Variants in MED13L observed in about 807,000 individuals in gnomAD.
The protein encoded by MED13L is mediator of RNA polymerase II transcription subunit 13-like.
MED13L carries 7 observed loss-of-function variants against 220.9 expected under a neutral mutation model. The observed-to-expected ratio is 0.03, with a 90% confidence interval of 0.02 to 0.06. MED13L has a LOEUF of 0.06. Ranked by LOEUF, MED13L falls within the 10% of genes least tolerant of loss-of-function variation. The pLI is 1.00. For missense variants in MED13L, 1,965 were observed against 2,760.5 expected, an observed-to-expected ratio of 0.71 and a Z score of 6.46; for synonymous variants, 1,011 against 1,015.2, an observed-to-expected ratio of 1.00 and a Z score of 0.08.
intron 2 of MED13L, among the ~76,000 whole-genome samples, chr12:116,222,911 C>T (rs1276063101): frequency 6.6e-6 from 1 of 152,164 alleles, no homozygotes; most frequent in Non-Finnish European, 1.5e-5. Flanking sequence ...TTGCCTAAAT[C>T]GTACAATCTC....
chr12:116,128,177 A>G (rs1352932796), intron 2 of MED13L, among the ~76,000 whole-genome samples: 2 of 152,222 alleles, frequency 1.3e-5, no homozygotes, highest in East Asian at 3.8e-4. Flanking sequence ...TGTCAGCACG[A>G]TATGTACAAG....
Position 116,180,046 on chromosome 12 carries a change from T to C in MED13L, c.310+57422A>G, listed in dbSNP as rs141676946. 2.0e-5 allele frequency among the ~76,000 whole-genome samples: 3 copies of C among 152,314 alleles called. No individual in the cohort carries two copies. In the East Asian group the frequency reaches 5.8e-4, roughly 29 times the overall value. ...ATCCAAGTGACTTACTTTGTGGTGTTTCGCATTTCAAAATTGTTGCAATTA... is the reference window on the plus strand; with the variant it reads ...ATCCAAGTGACTTACTTTGTGGTGTCTCGCATTTCAAAATTGTTGCAATTA... On this transcript the variant is annotated intron_variant, in intron 2 of 30. Coordinates refer to ENST00000281928, the MANE Select transcript of MED13L (RefSeq NM_015335.5).
At chr12:116,264,524 C>CA (rs1335738803) in intron 1 of MED13L, among the ~76,000 whole-genome samples, 1 of 152,190 alleles carries the variant, frequency 6.6e-6, no homozygotes, top group Non-Finnish European at 1.5e-5. Context: ...TCCTTGAACT[C>CA]AAAAAACACT....
chr12:116,156,085 A>C (rs546796894), intron 2 of MED13L, among the ~76,000 whole-genome samples: 1 of 152,210 alleles, frequency 6.6e-6, no homozygotes, highest in South Asian at 2.1e-4. Flanking sequence ...CTCTCATTTT[A>C]CTTCATGCTA....
intron 11 of MED13L, 61 bp from the exon 12 acceptor site, chr12:116,006,472 G>A (rs1879053304): frequency 1.6e-6 from 2 of 1,288,556 alleles, no homozygotes; most frequent in Non-Finnish European, 2.3e-6. Flanking sequence ...TGAAATATGA[G>A]GGAGAACACA....
At position 115,960,948 on chromosome 12, in the gene MED13L, T is replaced by A. The variant is rs1174569506; in HGVS notation, c.*318A>T. 1.0e-5 allele frequency: 4 copies of A among 397,020 alleles called. No individual in the cohort carries two copies. The Admixed American group carries it at 1.4e-4, about 14-fold the overall frequency. 24.6% of individuals were successfully genotyped at this position (397,020 alleles called of 1,614,324 possible). On this transcript the variant is annotated 3_prime_UTR_variant, in exon 31 of 31. Coordinates refer to ENST00000281928, the MANE Select transcript of MED13L (RefSeq NM_015335.5). ...CAGACTCTTGTGCAAAAGGACACTG[T>A]CTCTTCTGTTTCCCGCTGAAAAGCC...
At chr12:116,095,399 G>A (rs932524887) in intron 4 of MED13L, among the ~76,000 whole-genome samples, 4 of 152,052 alleles carry the variant, frequency 2.6e-5, no homozygotes, top group Non-Finnish European at 5.9e-5. Flanking sequence ...GAAAACTTCC[G>A]GTCCCTAATT....
intron 22 of MED13L, 76 bp downstream of exon 22, chr12:115,982,308 T>C (rs1008789957): frequency 1.0e-5 from 15 of 1,436,472 alleles, no homozygotes; most frequent in Non-Finnish European, 1.5e-5. Context: ...TTAAGAAAAA[T>C]CATAGGCCTG....
At chr12:116,004,996 C>T (rs1178467116) in intron 13 of MED13L, among the ~76,000 whole-genome samples, 1 of 152,134 alleles carries the variant, frequency 6.6e-6, no homozygotes, top group African/African-American at 2.4e-5. Context: ...TGCCATTTCT[C>T]CTTATGTCTG....
chr12:116,235,760 C>T (rs1432870752), intron 2 of MED13L, among the ~76,000 whole-genome samples: 8 of 152,124 alleles, frequency 5.3e-5, no homozygotes, highest in Non-Finnish European at 1.0e-4. Flanking sequence ...AGAACACTGA[C>T]GATTTTCTCC....
intron 9 of MED13L, among the ~76,000 whole-genome samples, chr12:116,011,680 G>A (rs1398961124): frequency 6.6e-6 from 1 of 152,140 alleles, no homozygotes; most frequent in Non-Finnish European, 1.5e-5. Context: ...CCAGAGAGAG[G>A]CTCTCACATG....
Position 115,975,274 on chromosome 12 carries a change from T to C in MED13L, c.5628A>G (p.Leu1876=), listed in dbSNP as rs1346099540. Residue 1876 remains leucine, a synonymous_variant, in exon 25 of 31, where the codon CTA becomes CTG. Coordinates refer to ENST00000281928, the MANE Select transcript of MED13L (RefSeq NM_015335.5). ...CTATGCACCACTCCCATAACTTCTG[T>C]AGTCCAATTTTACGTGCAGATACTT... The part of the protein sequence containing the change: ...RSKVSARKIG[L]QKLWEWCIGI... 3.1e-6 allele frequency: 5 copies of C among 1,614,082 alleles called. No homozygotes were observed. The highest frequency in any genetic ancestry group is 3.4e-6 in the Non-Finnish European group (4 of 1,179,974).
chr12:116,038,535 G>C (rs1468819215), intron 4 of MED13L, among the ~76,000 whole-genome samples: 1 of 151,988 alleles, frequency 6.6e-6, no homozygotes, highest in African/African-American at 2.4e-5. Context: ...TGACACCCAT[G>C]GGGGAGCAAG....
rs750827765 is a variant in MED13L, at chr12:116,256,814, T to C, written c.73-19109A>G. Among the ~76,000 whole-genome samples, 25 of 149,688 alleles carry C rather than the reference T, an allele frequency of 1.7e-4. No individual in the cohort carries two copies. The Middle Eastern group carries it at 0.011, about 63-fold the overall frequency. On this transcript the variant is annotated intron_variant, in intron 1 of 30. Transcript: ENST00000281928. ...GATTCTCCCACCTCAGCCTCCAGAG[T>C]AGCTGGGACTACAGACGTGCGCCAC... is the stretch of plus-strand genomic sequence containing the variant.
chr12:115,975,243 C>A lies in MED13L; in HGVS notation c.5659G>T (p.Val1887Phe), dbSNP rs201002721. ...CTCCAGGGTAGAGATGTCATTTGGA[C>A]AATCCCTATGCACCACTCCCATAAC... ...QKLWEWCIGI[V>F]QMTSLPWRVV... The change falls in exon 25 of 31, where the codon GTC (valine) becomes TTC (phenylalanine). Residue 1887 changes from valine (V) to phenylalanine (F), a missense_variant. Around this residue, in one of 10 missense-constraint regions of MED13L, gnomAD observed 23 missense variants for 67.1 expected, o/e 0.34. Transcript: ENST00000281928. 6.2e-7 allele frequency: 1 copy of A among 1,614,088 alleles called. No homozygotes were observed. Among genetic ancestry groups the A allele is most frequent in the Non-Finnish European group, 8.5e-7 (1 of 1,179,994 alleles).
intron 4 of MED13L, among the ~76,000 whole-genome samples, chr12:116,087,012 T>C (rs562783301): frequency 1.3e-5 from 2 of 152,202 alleles, no homozygotes; most frequent in Non-Finnish European, 2.9e-5. Flanking sequence ...GAAAGATTTA[T>C]AGTAGAAACA....
At chr12:116,021,621 T>C (rs1447185164) in intron 5 of MED13L, among the ~76,000 whole-genome samples, 1 of 152,218 alleles carries the variant, frequency 6.6e-6, no homozygotes, top group Non-Finnish European at 1.5e-5. Context: ...ACAGCAATTA[T>C]AATATTTTAG....
chr12:116,124,941 A>C (rs142121424), intron 2 of MED13L, among the ~76,000 whole-genome samples: 13 of 152,228 alleles, frequency 8.5e-5, no homozygotes, highest in East Asian at 3.9e-4. Flanking sequence ...GATCATAGTT[A>C]AACCAAAATA....
rs577872197 is a variant in MED13L at position 116,041,758 on chromosome 12, C to G, written c.480-19157G>C. ...CCTGAGGCAGGAGAATCGCCTGAACCCGAGAGCCGGAGATTGCAGTGAGCC... is the reference window on the plus strand; with the variant it reads ...CCTGAGGCAGGAGAATCGCCTGAACGCGAGAGCCGGAGATTGCAGTGAGCC... On this transcript the variant is annotated intron_variant, in intron 4 of 30. Transcript: ENST00000281928. Among the ~76,000 whole-genome samples the G allele has an allele frequency of 1.2e-3, 181 of 152,286 alleles. 1 individual carries two copies. The highest frequency in any genetic ancestry group is 1.6e-3 in the Admixed American group (25 of 15,302).
Sources: gnomAD v4.1 joint callset for allele counts (sites outside exome capture counted in the v4.1 genomes callset) on GRCh38, gnomAD v4.1.1 for gene constraint, gnomAD v4.1.1 regional missense constraint, MANE v1.5 for transcripts, NCBI Gene and HGNC (gene_info 2026-07-23, HGNC 2026-07-21) for gene names.